ESRRB: variants seen among roughly 807,000 people sequenced by gnomAD.
The protein encoded by ESRRB is steroid hormone receptor ERR2.
Under a neutral mutation model 46.0 loss-of-function variants are expected in ESRRB, and 16 were observed. The ratio of observed to expected loss-of-function variants is 0.35; its 90% CI spans 0.24 to 0.53. The LOEUF is 0.53. Ranked by LOEUF, ESRRB falls within the 20% of genes least tolerant of loss-of-function variation. The probability of loss-of-function intolerance (pLI) is 0.93; values close to 1 mark genes in which losing one functional copy is unlikely to be tolerated. For synonymous variants in ESRRB, 246 were observed against 259.6 expected (o/e 0.95, Z 0.50); for missense variants, 488 against 607.4 (o/e 0.80, Z 2.07).
At chr14:76,341,647 G>C (rs1399612993) in intron 1 of ESRRB, among the ~76,000 whole-genome samples, 1 of 152,222 alleles carries the variant, frequency 6.6e-6, no homozygotes, top group African/African-American at 2.4e-5. Flanking sequence ...TCATTAAATT[G>C]ATCAAGGCAG....
intron 1 of ESRRB, among the ~76,000 whole-genome samples, chr14:76,391,103 T>G (rs186536439): frequency 6.6e-6 from 1 of 152,070 alleles, no homozygotes; most frequent in Non-Finnish European, 1.5e-5. Context: ...CAATCCCGAG[T>G]TGGATCACAC....
At chr14:76,458,015 G>A (rs1027009705) in intron 2 of ESRRB, among the ~76,000 whole-genome samples, 2 of 152,132 alleles carry the variant, frequency 1.3e-5, no homozygotes, top group Non-Finnish European at 2.9e-5. Flanking sequence ...TATGAGATGG[G>A]GGCTGTACCC....
At chr14:76,323,635 A>G (rs1300591719) in intron 1 of ESRRB, among the ~76,000 whole-genome samples, 1 of 152,114 alleles carries the variant, frequency 6.6e-6, no homozygotes, top group African/African-American at 2.4e-5. Flanking sequence ...TAAGGAGCCC[A>G]CTCAAGTTCC....
At chr14:76,476,057 A>G (rs753750383) in intron 3 of ESRRB, among the ~76,000 whole-genome samples, 28 of 151,762 alleles carry the variant, frequency 1.8e-4, no homozygotes, top group Non-Finnish European at 3.8e-4. Context: ...AAAATCTTTA[A>G]GAGTGAAGTG....
At chr14:76,437,221 G>A (rs190960643) in intron 1 of ESRRB, among the ~76,000 whole-genome samples, 22 of 152,158 alleles carry the variant, frequency 1.4e-4, no homozygotes, top group Admixed American at 3.9e-4. Flanking sequence ...TTGTAGAGAC[G>A]GGCTTTCACC....
At chr14:76,417,344 G>C (rs1426307299) in intron 1 of ESRRB, among the ~76,000 whole-genome samples, 1 of 152,134 alleles carries the variant, frequency 6.6e-6, no homozygotes, top group Admixed American at 6.5e-5. Flanking sequence ...CAGGAGACCA[G>C]TGTGGGTGGA....
chr14:76,438,827 G>T (rs964933093), intron 1 of ESRRB, among the ~76,000 whole-genome samples: 2 of 152,118 alleles, frequency 1.3e-5, no homozygotes, highest in Admixed American at 1.3e-4. Context: ...TTGAGATAAG[G>T]TGTTGCTCTA....
intron 1 of ESRRB, among the ~76,000 whole-genome samples, chr14:76,404,088 G>GGT (rs1316544256): frequency 6.6e-6 from 1 of 152,054 alleles, no homozygotes; most frequent in East Asian, 1.9e-4. Flanking sequence ...TCAAATATCT[G>GGT]GTGTGCTTTC....
At chr14:76,464,746 T>C (rs1010345481) in intron 3 of ESRRB, among the ~76,000 whole-genome samples, 1 of 152,194 alleles carries the variant, frequency 6.6e-6, no homozygotes, top group Non-Finnish European at 1.5e-5. Flanking sequence ...CTGGATAGGA[T>C]GACCCAAACT....
At chr14:76,431,479 T>C (rs1309323791) in intron 1 of ESRRB, among the ~76,000 whole-genome samples, 1 of 152,180 alleles carries the variant, frequency 6.6e-6, no homozygotes, top group Non-Finnish European at 1.5e-5. Flanking sequence ...CAGAGCAATG[T>C]CCAGCCAAGG....
At chr14:76,407,827 C>T (rs962238190) in intron 1 of ESRRB, among the ~76,000 whole-genome samples, 2 of 152,236 alleles carry the variant, frequency 1.3e-5, no homozygotes, top group East Asian at 3.8e-4. Flanking sequence ...TGGAGGGAGG[C>T]AGCTAGCTTG....
intron 1 of ESRRB, among the ~76,000 whole-genome samples, chr14:76,361,012 C>T (rs910738041): frequency 6.6e-6 from 1 of 152,248 alleles, no homozygotes; most frequent in African/African-American, 2.4e-5. Flanking sequence ...ACCCATGCAC[C>T]TAACACATGG....
chr14:76,498,617 C>T lies in ESRRB; in HGVS notation c.*159C>T. ...CTCACCTCCTGGCTGTGTGCAGACTCCCGGGTGCAGTGGGGTGGGGGACGG... is the reference window on the plus strand; with the variant it reads ...CTCACCTCCTGGCTGTGTGCAGACTTCCGGGTGCAGTGGGGTGGGGGACGG... On this transcript the variant is annotated 3_prime_UTR_variant, in exon 7 of 7. Transcript: ENST00000644823. The T allele has an allele frequency of 7.1e-7, 1 of 1,408,374 alleles. No individual in the cohort carries two copies. The highest frequency in any genetic ancestry group is 9.4e-7 in the Non-Finnish European group (1 of 1,062,926). The allele number at this position is 1,408,374 out of a possible 1,614,324, so 87.2% of individuals were successfully genotyped here. A position where few individuals can be genotyped will look rare whatever the true frequency, so the allele number is the denominator to read the frequency against.
intron 1 of ESRRB, among the ~76,000 whole-genome samples, chr14:76,398,299 T>C (rs1885785754): frequency 1.3e-5 from 2 of 151,972 alleles, no homozygotes; most frequent in Admixed American, 1.3e-4. Context: ...AAGTCACAGA[T>C]CTAACACAAG....
chr14:76,318,376 G>A (rs1225093415), intron 1 of ESRRB, among the ~76,000 whole-genome samples: 1 of 152,202 alleles, frequency 6.6e-6, no homozygotes, highest in Non-Finnish European at 1.5e-5. Flanking sequence ...TCCTCTGAGT[G>A]TCTCCCAGCA....
chr14:76,433,998 A>C (rs1595113386), intron 1 of ESRRB, among the ~76,000 whole-genome samples: 2 of 133,944 alleles, frequency 1.5e-5, no homozygotes, highest in Non-Finnish European at 3.1e-5. Context: ...GGTCTCTGTC[A>C]CCCAGGCTGG....
At chr14:76,397,387 G>T (rs749538978) in intron 1 of ESRRB, among the ~76,000 whole-genome samples, 2 of 152,148 alleles carry the variant, frequency 1.3e-5, no homozygotes, top group African/African-American at 2.4e-5. Context: ...TGGAGTGACC[G>T]CTCTGACTTT....
chr14:76,377,050 C>A (rs1429589177), intron 1 of ESRRB, among the ~76,000 whole-genome samples: 1 of 152,200 alleles, frequency 6.6e-6, no homozygotes, highest in Admixed American at 6.5e-5. Context: ...GATGCGGGCC[C>A]AGCGCTGCGT....
At chr14:76,390,847 G>A (rs1885439644) in intron 1 of ESRRB, among the ~76,000 whole-genome samples, 1 of 152,150 alleles carries the variant, frequency 6.6e-6, no homozygotes. Context: ...GCCCTTTGAG[G>A]AAATGAGGCC....
Sources: gnomAD v4.1 joint callset for allele counts (sites outside exome capture counted in the v4.1 genomes callset) on GRCh38, gnomAD v4.1.1 for gene constraint, MANE v1.5 for transcripts, NCBI Gene and HGNC (gene_info 2026-07-23, HGNC 2026-07-21) for gene names.